The following PPM1H variants were observed in gnomAD, a reference collection of about 807,000 sequenced individuals.
PPM1H encodes the protein protein phosphatase 1H.
A neutral mutation model predicts 54.9 loss-of-function variants in PPM1H; 27 were observed. That is an observed-to-expected ratio of 0.49 (90% CI 0.36 to 0.68). The LOEUF (loss-of-function observed/expected upper bound fraction) is 0.68. Ranked by LOEUF, PPM1H falls within the 30% of genes least tolerant of loss-of-function variation. The pLI is 0.00. For missense variants in PPM1H, 596 were observed against 667.8 expected (o/e 0.89, Z 1.19); for synonymous variants, 305 against 270.8 (o/e 1.13, Z -1.24).
intron 3 of PPM1H, among the ~76,000 whole-genome samples, chr12:62,792,434 G>T (rs941410377): frequency 6.6e-6 from 1 of 152,218 alleles, no homozygotes; most frequent in Admixed American, 6.5e-5. Flanking sequence ...CATAAAGAGT[G>T]AACTTAAGTA....
At chr12:62,889,953 C>T (rs377705696) in intron 1 of PPM1H, among the ~76,000 whole-genome samples, 8 of 152,182 alleles carry the variant, frequency 5.3e-5, no homozygotes, top group African/African-American at 1.9e-4. Context: ...AAGATTTCTG[C>T]TCTGCAATAG....
intron 4 of PPM1H, among the ~76,000 whole-genome samples, chr12:62,738,989 G>T (rs2076366190): frequency 6.6e-6 from 1 of 151,662 alleles, no homozygotes; most frequent in South Asian, 2.1e-4. Flanking sequence ...GGGGGTCGGG[G>T]CGGGGGCGGC....
At chr12:62,908,086 A>G (rs950418496) in intron 1 of PPM1H, among the ~76,000 whole-genome samples, 3 of 152,230 alleles carry the variant, frequency 2.0e-5, no homozygotes, top group East Asian at 3.8e-4. Context: ...CTTGTTTACA[A>G]TCAAAATCGT....
intron 4 of PPM1H, among the ~76,000 whole-genome samples, chr12:62,784,852 T>C (rs558913205): frequency 1.8e-4 from 27 of 152,366 alleles, no homozygotes; most frequent in Non-Finnish European, 3.8e-4. Flanking sequence ...AATAGCACTC[T>C]AGTAAGTGTC....
intron 9 of PPM1H, among the ~76,000 whole-genome samples, chr12:62,660,171 C>CTCTT (rs1483053907): frequency 7.2e-5 from 11 of 152,206 alleles, no homozygotes; most frequent in South Asian, 2.1e-4. Context: ...GGACTGAGCT[C>CTCTT]TCTTTGTCCA....
chr12:62,751,318 A>G (rs1011241486), intron 4 of PPM1H, among the ~76,000 whole-genome samples: 2 of 152,220 alleles, frequency 1.3e-5, no homozygotes, highest in Non-Finnish European at 2.9e-5. Context: ...CAAGAAGAGG[A>G]GTAAACACAA....
At chr12:62,735,219 T>C (rs1454063820) in intron 5 of PPM1H, among the ~76,000 whole-genome samples, 1 of 152,072 alleles carries the variant, frequency 6.6e-6, no homozygotes, top group East Asian at 1.9e-4. Context: ...TTTTCTTTTT[T>C]TTAAAGAGAC....
chr12:62,863,082 G>A (rs866386819), intron 1 of PPM1H, among the ~76,000 whole-genome samples: 6 of 152,108 alleles, frequency 3.9e-5, no homozygotes, highest in African/African-American at 1.4e-4. Context: ...GTGCAGTGGC[G>A]TGATCTCAAT....
At chr12:62,801,092 C>G (rs1235856614) in intron 3 of PPM1H, among the ~76,000 whole-genome samples, 1 of 152,190 alleles carries the variant, frequency 6.6e-6, no homozygotes, top group Non-Finnish European at 1.5e-5. Flanking sequence ...GTAAAACAGC[C>G]GTTCTTAGAT....
At chr12:62,868,160 T>C (rs1400046656) in intron 1 of PPM1H, among the ~76,000 whole-genome samples, 1 of 152,180 alleles carries the variant, frequency 6.6e-6, no homozygotes, top group Non-Finnish European at 1.5e-5. Context: ...TGAAAGCAGT[T>C]TTCTTAATAC....
At chr12:62,863,008 T>C (rs186385131) in intron 1 of PPM1H, among the ~76,000 whole-genome samples, 40 of 152,266 alleles carry the variant, frequency 2.6e-4, no homozygotes, top group African/African-American at 9.4e-4. Flanking sequence ...TTGCTTCCAC[T>C]TACAGAGCTG....
chr12:62,733,545 C>A (rs1186949084), intron 5 of PPM1H, among the ~76,000 whole-genome samples: 1 of 152,170 alleles, frequency 6.6e-6, no homozygotes, highest in East Asian at 1.9e-4. Context: ...GTGTGAGCCA[C>A]CATGCCTGGC....
chr12:62,929,075 AC>A (rs1872055359), intron 1 of PPM1H, among the ~76,000 whole-genome samples: 1 of 152,336 alleles, frequency 6.6e-6, no homozygotes, highest in Admixed American at 6.5e-5. Context: ...ATTTAAAATT[AC>A]CCAGAAGCAT....
At chr12:62,820,586 T>C (rs1031684337) in intron 2 of PPM1H, among the ~76,000 whole-genome samples, 1 of 152,164 alleles carries the variant, frequency 6.6e-6, no homozygotes, top group African/African-American at 2.4e-5. Context: ...TTCTGCAATA[T>C]TGCGGTTCTG....
chr12:62,919,331 A>T (rs1871719771), intron 1 of PPM1H, among the ~76,000 whole-genome samples: 1 of 152,104 alleles, frequency 6.6e-6, no homozygotes, highest in African/African-American at 2.4e-5. Flanking sequence ...GTGATAAAAA[A>T]TCCAAACCTG....
intron 6 of PPM1H, among the ~76,000 whole-genome samples, chr12:62,717,858 T>C (rs1389329826): frequency 6.6e-6 from 1 of 152,214 alleles, no homozygotes; most frequent in Non-Finnish European, 1.5e-5. Flanking sequence ...TTTTCAAAGT[T>C]AGTAACAATG....
chr12:62,802,734 C>T (rs1422824247), intron 2 of PPM1H, among the ~76,000 whole-genome samples: 3 of 152,122 alleles, frequency 2.0e-5, no homozygotes, highest in Admixed American at 6.5e-5. Context: ...CGCGTGCCAC[C>T]ACACCAGGCT....
In PPM1H at chr12:62,876,627, A is replaced by G. The variant is rs1870182415; in HGVS notation, c.246-44348T>C. On this transcript the variant is annotated intron_variant, in intron 1 of 9. Coordinates refer to ENST00000228705, the MANE Select transcript of PPM1H (RefSeq NM_020700.2). ...TCAGATGGGAGAGGGTATGTACAGTATAGGTCCCCAGGACGTAGAACTGGC... is the reference window on the plus strand; with the variant it reads ...TCAGATGGGAGAGGGTATGTACAGTGTAGGTCCCCAGGACGTAGAACTGGC... 2.6e-5 allele frequency among the ~76,000 whole-genome samples: 4 copies of G among 152,322 alleles called. No individual in the cohort carries two copies. The South Asian group carries it at 8.3e-4, about 32-fold the overall frequency.
At chr12:62,823,849 T>A (rs1868257075) in intron 2 of PPM1H, among the ~76,000 whole-genome samples, 1 of 152,214 alleles carries the variant, frequency 6.6e-6, no homozygotes, top group South Asian at 2.1e-4. Flanking sequence ...AAGACAGGGA[T>A]GCCCTCTCTC....
Sources: allele counts gnomAD v4.1 joint callset (sites outside exome capture counted in the v4.1 genomes callset), GRCh38; gene constraint gnomAD v4.1.1; transcripts MANE v1.5; gene names NCBI Gene and HGNC (gene_info 2026-07-23, HGNC 2026-07-21).